TOP2B: variants seen among roughly 807,000 people sequenced by gnomAD.
TOP2B encodes DNA topoisomerase II beta.
TOP2B carries 51 observed loss-of-function variants against 193.5 expected under a neutral mutation model. That is an observed-to-expected ratio of 0.26 (90% CI 0.21 to 0.33). The LOEUF (loss-of-function observed/expected upper bound fraction) is 0.33. TOP2B is among the 10% of genes least tolerant of loss of function. TOP2B has a pLI of 1.00. For synonymous variants in TOP2B, 634 were observed against 635.7 expected, an observed-to-expected ratio of 1.00 and a Z score of 0.04; for missense variants, 1,378 against 1,909.3, an observed-to-expected ratio of 0.72 and a Z score of 5.19.
intron 7 of TOP2B, among the ~76,000 whole-genome samples, chr3:25,634,786 A>C (rs6773023): frequency 4.3e-5 from 6 of 140,542 alleles, no homozygotes; most frequent in Admixed American, 3.6e-4. Flanking sequence ...ACCAAAAAAA[A>C]AAAAAAAAAA....
In TOP2B at chr3:25,662,798, C is replaced by T. The variant is rs115700266; in HGVS notation, c.69+1431G>A. On this transcript the variant is annotated intron_variant, in intron 1 of 35. Transcript: ENST00000264331. The stretch of plus-strand genomic sequence containing the variant: ...AGAGGTCTTCAGAGGAAACACCGAT[C>T]AGGCCTCAACACTTCCAAATAGTGA... Among the ~76,000 whole-genome samples the T allele has an allele frequency of 5.7e-3, 872 of 152,362 alleles. 9 individuals are homozygous for T. Among genetic ancestry groups the T allele is most frequent in the African/African-American group, 0.02 (843 of 41,582 alleles).
At chr3:25,631,127 A>T (rs1315286420) in intron 10 of TOP2B, among the ~76,000 whole-genome samples, 188 bp from the exon 11 acceptor site, 1 of 152,158 alleles carries the variant, frequency 6.6e-6, no homozygotes, top group Non-Finnish European at 1.5e-5. Context: ...AATTAAAGCT[A>T]AAATATAAAT....
intron 34 of TOP2B, 55 bp downstream of exon 34, chr3:25,601,045 T>C (rs1048695022): frequency 1.1e-5 from 17 of 1,564,484 alleles, no homozygotes; most frequent in Non-Finnish European, 1.5e-5. Context: ...GTAGAAAAAA[T>C]TCAATCTTTT....
intron 29 of TOP2B, 47 bp downstream of exon 29, chr3:25,609,520 CA>C: frequency 1.3e-6 from 2 of 1,574,390 alleles, no homozygotes; most frequent in South Asian, 1.2e-5. Context: ...ATACTCTATA[CA>C]AATATTTTTT....
intron 22 of TOP2B, among the ~76,000 whole-genome samples, chr3:25,620,452 C>G (rs1043847804): frequency 6.6e-6 from 1 of 152,026 alleles, no homozygotes; most frequent in Non-Finnish European, 1.5e-5. Context: ...TAAATAAATA[C>G]AAAGATAATA....
At chr3:25,619,434 G>A (rs1379630595) in intron 23 of TOP2B, among the ~76,000 whole-genome samples, 1 of 151,944 alleles carries the variant, frequency 6.6e-6, no homozygotes, top group Non-Finnish European at 1.5e-5. Context: ...AATGGAACTT[G>A]AATCACACAC....
rs565200178 is a variant in TOP2B at position 25,632,638 on chromosome 3, G to A, written c.1128+55C>T. On this transcript the variant is annotated intron_variant, in intron 9 of 35. Coordinates refer to ENST00000264331, the MANE Select transcript of TOP2B (RefSeq NM_001330700.2). ...ATCAGAGCTGATATTTAGTAATTCA[G>A]TATATATATAATGCATATGTATGCA... The A allele has an allele frequency of 1.1e-4, 175 of 1,603,114 alleles. No homozygotes were observed. In the Middle Eastern group the frequency reaches 1.2e-3, roughly 11 times the overall value.
chr3:25,606,317 C>T (rs1427280718), intron 31 of TOP2B, among the ~76,000 whole-genome samples, 195 bp from the exon 32 acceptor site: 1 of 152,052 alleles, frequency 6.6e-6, no homozygotes, highest in African/African-American at 2.4e-5. Context: ...TGCACACATA[C>T]CCATGATCCA....
At chr3:25,631,318 C>T (rs905702705) in intron 10 of TOP2B, among the ~76,000 whole-genome samples, 3 of 152,042 alleles carry the variant, frequency 2.0e-5, no homozygotes, top group Admixed American at 2.0e-4. Flanking sequence ...TCCTTCAATA[C>T]AAAACGTGAG....
chr3:25,651,247 GA>G (rs1559509125), intron 1 of TOP2B, among the ~76,000 whole-genome samples: 1 of 151,928 alleles, frequency 6.6e-6, no homozygotes, highest in African/African-American at 2.4e-5. Flanking sequence ...AATATAAAAA[GA>G]GGTAAAGTAT....
intron 20 of TOP2B, 29 bp downstream of exon 20, chr3:25,624,268 T>C: frequency 6.2e-7 from 1 of 1,611,868 alleles, no homozygotes; most frequent in Non-Finnish European, 8.5e-7. Flanking sequence ...CAAATCAAAC[T>C]TTATACCATT....
At chr3:25,598,578 CAAAT>C (rs1468415764) in intron 35 of TOP2B, 101 bp from the exon 36 acceptor site, 19 of 846,496 alleles carry the variant, frequency 2.2e-5, no homozygotes, top group Non-Finnish European at 3.0e-5. Context: ...GGAAGTATTA[CAAAT>C]AATGGTGCTT....
Position 25,615,219 on chromosome 3 carries a change from C to A in TOP2B, c.3577G>T (p.Val1193Phe). The change falls in exon 27 of 36, where the codon GTT (valine) becomes TTT (phenylalanine). Residue 1193 changes from valine (V) to phenylalanine (F), a missense_variant. Val to Phe is a conservative substitution (Grantham distance 50). Transcript: ENST00000264331. The stretch of plus-strand genomic sequence containing the variant: ...ACTTAACCTACATCCAGTTCTTCAA[C>A]AAATGCCGCTAAATCCTCTTTCCAA... ...DLWKEDLAAFVEELDKVESQE... is the reference protein window; with the variant it reads ...DLWKEDLAAFFEELDKVESQE... The A allele has an allele frequency of 6.2e-7, 1 of 1,612,192 alleles. No individual in the cohort carries two copies. Among genetic ancestry groups the A allele is most frequent in the South Asian group, 1.1e-5 (1 of 90,882 alleles).
intron 30 of TOP2B, among the ~76,000 whole-genome samples, chr3:25,608,776 T>C (rs1005628068): frequency 2.0e-5 from 3 of 152,180 alleles, no homozygotes; most frequent in African/African-American, 7.2e-5. Flanking sequence ...ACTATCATTA[T>C]CTAAAAGAGA....
At chr3:25,621,137 C>T (rs1559497504) in intron 21 of TOP2B, among the ~76,000 whole-genome samples, 1 of 152,192 alleles carries the variant, frequency 6.6e-6, no homozygotes. Context: ...GAAAGCATTT[C>T]ATAGTCTGGA....
At chr3:25,658,329 G>T (rs1359985667) in intron 1 of TOP2B, among the ~76,000 whole-genome samples, 1 of 151,672 alleles carries the variant, frequency 6.6e-6, no homozygotes, top group Non-Finnish European at 1.5e-5. Context: ...AAGTTTATTT[G>T]TAATTTATTT....
At chr3:25,604,304 T>G (rs1403632184) in intron 33 of TOP2B, among the ~76,000 whole-genome samples, 1 of 152,166 alleles carries the variant, frequency 6.6e-6, no homozygotes, top group Non-Finnish European at 1.5e-5. Context: ...AAGAGATTCA[T>G]TAATCAACTC....
chr3:25,663,392 A>G (rs527924508), intron 1 of TOP2B, among the ~76,000 whole-genome samples: 4 of 152,156 alleles, frequency 2.6e-5, no homozygotes, highest in Admixed American at 6.5e-5. Flanking sequence ...ATAGGAAATG[A>G]CCCTGGTCTG....
intron 31 of TOP2B, 149 bp from the exon 32 acceptor site, chr3:25,606,271 G>A (rs1178907579): frequency 6.5e-6 from 3 of 461,298 alleles, no homozygotes; most frequent in Non-Finnish European, 1.1e-5. Flanking sequence ...TTAAAGACAG[G>A]GTAATAAAAC....
Sources: allele counts gnomAD v4.1 joint callset (sites outside exome capture counted in the v4.1 genomes callset), GRCh38; gene constraint gnomAD v4.1.1; transcripts MANE v1.5; gene names NCBI Gene and HGNC (gene_info 2026-07-23, HGNC 2026-07-21).